The following TRHR variants were observed in gnomAD, a reference collection of about 807,000 sequenced individuals.
TRHR encodes thyrotropin releasing hormone receptor.
In TRHR, 14 loss-of-function variants were observed where a neutral mutation model predicts 28.0. That is an observed-to-expected ratio of 0.50 (90% CI 0.33 to 0.78). TRHR has a LOEUF of 0.78. Among genes scored for constraint, TRHR ranks in the 30% least tolerant of loss-of-function variants. TRHR has a pLI of 0.02. For synonymous variants in TRHR, 176 were observed against 171.9 expected (o/e 1.02, Z -0.18); for missense variants, 438 against 469.5 (o/e 0.93, Z 0.62).
Position 109,086,774 on chromosome 8 carries a change from A to T in TRHR, c.-198A>T, listed in dbSNP as rs1436135418. ...GCAGTTTTAAAGACTGAGCACTGCT[A>T]AGTGGTCTCCCTCTCAAATAGAGTA... On this transcript the variant is annotated 5_prime_UTR_variant, in exon 1 of 3. Transcript: ENST00000518632. The T allele has an allele frequency of 1.3e-5, 2 of 152,416 alleles. No individual in the cohort carries two copies. Among genetic ancestry groups the T allele is most frequent in the Non-Finnish European group, 2.9e-5 (2 of 68,224 alleles). 9.4% of individuals were successfully genotyped at this position (152,416 alleles called of 1,614,324 possible).
At position 109,087,711 on chromosome 8, in the gene TRHR, C is replaced by T; in HGVS notation, c.199C>T (p.Leu67=). ...RTPTNCYLVS[L]AVADLMVLVA... is the part of the protein sequence containing the mutation. ...CCCCACAAACTGCTACCTGGTGAGC[C>T]TGGCAGTAGCTGATCTCATGGTCTT... Residue 67 remains leucine (L), a synonymous_variant, in exon 2 of 3, where the codon CTG becomes TTG. Coordinates refer to ENST00000518632, the MANE Select transcript of TRHR (RefSeq NM_003301.7). 6.2e-6 allele frequency: 10 copies of T among 1,614,162 alleles called. No individual in the cohort carries two copies. The highest frequency in any genetic ancestry group is 8.5e-6 in the Non-Finnish European group (10 of 1,180,032).
intron 2 of TRHR, among the ~76,000 whole-genome samples, chr8:109,109,261 T>G (rs2129919276): frequency 6.6e-6 from 1 of 152,248 alleles, no homozygotes; most frequent in South Asian, 2.1e-4. Flanking sequence ...AAAATATTCC[T>G]TCCCAAAATT....
At chr8:109,101,027 G>T (rs1353586103) in intron 2 of TRHR, among the ~76,000 whole-genome samples, 2 of 152,004 alleles carry the variant, frequency 1.3e-5, no homozygotes, top group Non-Finnish European at 2.9e-5. Flanking sequence ...ATATATGAAA[G>T]ATTTGGACAA....
In TRHR at chr8:109,095,578, C is replaced by T. The variant is rs370321091; in HGVS notation, c.789+7277C>T. ...CCTCCCCATCCTGTCCCTTGTCATT[C>T]TACATACTTTCTTCTACGCCCATGC... is the stretch of plus-strand genomic sequence containing the variant. On this transcript the variant is annotated intron_variant, in intron 2 of 2. Transcript: ENST00000518632. Among the ~76,000 whole-genome samples the T allele has an allele frequency of 2.6e-5, 4 of 152,226 alleles. No individual in the cohort carries two copies. The East Asian group carries it at 7.7e-4, about 29-fold the overall frequency.
intron 2 of TRHR, among the ~76,000 whole-genome samples, chr8:109,105,554 A>G (rs193178890): frequency 1.3e-5 from 2 of 152,306 alleles, no homozygotes; most frequent in Admixed American, 6.5e-5. Flanking sequence ...CTAAGGAGAA[A>G]TGGGAAAACA....
Position 109,099,114 on chromosome 8 carries a change from A to G in TRHR, c.789+10813A>G, listed in dbSNP as rs143319043. Among the ~76,000 whole-genome samples, 268 of 151,948 alleles carry G rather than the reference A, an allele frequency of 1.8e-3. 1 individual carries two copies. Among genetic ancestry groups the G allele is most frequent in the African/African-American group, 6.2e-3 (257 of 41,240 alleles). ...TGTTTTTCAGGAAACAGAAAATGGT[A>G]GAATTATTGAAAGAAATTGTAAGGG... On this transcript the variant is annotated intron_variant, in intron 2 of 2. Transcript: ENST00000518632.
At chr8:109,096,728 T>C (rs1215320254) in intron 2 of TRHR, among the ~76,000 whole-genome samples, 1 of 152,170 alleles carries the variant, frequency 6.6e-6, no homozygotes, top group Non-Finnish European at 1.5e-5. Context: ...GGAGAGATGG[T>C]TGTTAAATAC....
chr8:109,086,603 A>C lies in TRHR; in HGVS notation c.-369A>C, dbSNP rs911693732. 4 of 152,164 alleles carry C rather than the reference A, an allele frequency of 2.6e-5. No individual in the cohort carries two copies. Among genetic ancestry groups the C allele is most frequent in the African/African-American group, 7.3e-5 (3 of 41,196 alleles). The allele number at this position is 152,164 out of a possible 1,614,324, so 9.4% of individuals were successfully genotyped here. On this transcript the variant is annotated 5_prime_UTR_variant, in exon 1 of 3. Coordinates refer to ENST00000518632, the MANE Select transcript of TRHR (RefSeq NM_003301.7). ...GTGTGTGTGTGTCTCTGTGTGTGAG[A>C]GAGCGAGCGAGCGTGTATGTTCTCA...
chr8:109,109,554 AT>A (rs1335048990), intron 2 of TRHR, among the ~76,000 whole-genome samples: 1 of 151,918 alleles, frequency 6.6e-6, no homozygotes, highest in Non-Finnish European at 1.5e-5. Flanking sequence ...GTGAATTCCT[AT>A]TACTTAGATT....
intron 2 of TRHR, among the ~76,000 whole-genome samples, chr8:109,100,919 C>G (rs888953101): frequency 1.4e-4 from 22 of 152,230 alleles, no homozygotes; most frequent in African/African-American, 5.1e-4. Context: ...ATAACACAAT[C>G]AGTCCAGAAA....
chr8:109,108,420 G>A (rs1586192727), intron 2 of TRHR, among the ~76,000 whole-genome samples: 1 of 152,134 alleles, frequency 6.6e-6, no homozygotes, highest in East Asian at 1.9e-4. Flanking sequence ...GGAGAAAAGA[G>A]GCTGTGAAAT....
At chr8:109,113,811 T>TATTATTGTA (rs1811874479) in intron 2 of TRHR, among the ~76,000 whole-genome samples, 1 of 152,012 alleles carries the variant, frequency 6.6e-6, no homozygotes, top group Non-Finnish European at 1.5e-5. Context: ...GTAGTAAGAG[T>TATTATTGTA]CATAGCAGTA....
At chr8:109,090,370 C>T (rs1041688785) in intron 2 of TRHR, among the ~76,000 whole-genome samples, 2 of 152,158 alleles carry the variant, frequency 1.3e-5, no homozygotes, top group Non-Finnish European at 2.9e-5. Context: ...ACTTGTTGAA[C>T]AAATGTGTAT....
intron 2 of TRHR, among the ~76,000 whole-genome samples, chr8:109,103,181 T>G (rs192225798): frequency 1.7e-3 from 264 of 152,316 alleles, no homozygotes; most frequent in African/African-American, 6.1e-3. Flanking sequence ...GGCAAACTTA[T>G]GAGTAATAAC....
At chr8:109,096,867 G>C (rs1811602084) in intron 2 of TRHR, among the ~76,000 whole-genome samples, 1 of 152,028 alleles carries the variant, frequency 6.6e-6, no homozygotes, top group African/African-American at 2.4e-5. Context: ...TACGGACTTA[G>C]GGTCTCGGTC....
Position 109,088,064 on chromosome 8 carries a change from C to A in TRHR, c.552C>A (p.Ser184=). ...AIVISCGYKI[S]RNYYSPIYLM... is the part of the protein sequence containing the mutation. ...TGATATCCTGTGGCTACAAGATCTC[C>A]AGGAATTACTACTCACCTATTTACC... Residue 184 remains serine, a synonymous_variant, in exon 2 of 3, where the codon TCC becomes TCA. Coordinates refer to ENST00000518632, the MANE Select transcript of TRHR (RefSeq NM_003301.7). 1 of 1,614,124 alleles carries A rather than the reference C, an allele frequency of 6.2e-7. No individual in the cohort carries two copies.
At chr8:109,093,180 G>A (rs948533544) in intron 2 of TRHR, among the ~76,000 whole-genome samples, 16 of 151,786 alleles carry the variant, frequency 1.1e-4, no homozygotes, top group African/African-American at 3.9e-4. Flanking sequence ...AAAAAATTCA[G>A]ATCTGCTTTC....
intron 2 of TRHR, among the ~76,000 whole-genome samples, chr8:109,111,017 G>A (rs1437104583): frequency 1.3e-5 from 2 of 152,082 alleles, no homozygotes; most frequent in African/African-American, 4.8e-5. Flanking sequence ...AGCAGACATG[G>A]TGGTGCACGC....
At chr8:109,090,951 G>C (rs1340240074) in intron 2 of TRHR, among the ~76,000 whole-genome samples, 1 of 151,726 alleles carries the variant, frequency 6.6e-6, no homozygotes, top group African/African-American at 2.4e-5. Context: ...GAGACAGAGA[G>C]ACAGAGAAGG....
Sources: allele counts gnomAD v4.1 joint callset (sites outside exome capture counted in the v4.1 genomes callset), GRCh38; gene constraint gnomAD v4.1.1; transcripts MANE v1.5; gene names NCBI Gene and HGNC (gene_info 2026-07-23, HGNC 2026-07-21).